CCNY: variants seen among roughly 807,000 people sequenced by gnomAD.
CCNY encodes the protein cyclin Y.
CCNY carries 19 observed loss-of-function variants against 42.8 expected under a neutral mutation model. That is an observed-to-expected ratio of 0.44 (90% CI 0.31 to 0.65). The LOEUF is 0.65. CCNY is among the 30% of genes least tolerant of loss of function. The pLI is 0.07. For synonymous variants in CCNY, 165 were observed against 162.7 expected, an observed-to-expected ratio of 1.01 and a Z score of -0.11; for missense variants, 370 against 437.3, an observed-to-expected ratio of 0.85 and a Z score of 1.37.
chr10:35,548,495 A>AC (rs1410206339), intron 7 of CCNY, among the ~76,000 whole-genome samples: 2 of 151,936 alleles, frequency 1.3e-5, no homozygotes, highest in Non-Finnish European at 2.9e-5. Flanking sequence ...ACGGGGTTTC[A>AC]CCATGTTGGC....
At chr10:35,481,194 G>A (rs1032149430) in intron 1 of CCNY, among the ~76,000 whole-genome samples, 1 of 152,190 alleles carries the variant, frequency 6.6e-6, no homozygotes, top group African/African-American at 2.4e-5. Context: ...TAGATGGTAT[G>A]ATAGCATTTC....
At chr10:35,289,006 T>A (rs1245710487) in intron 3 of CCNY, among the ~76,000 whole-genome samples, 1 of 152,210 alleles carries the variant, frequency 6.6e-6, no homozygotes, top group Non-Finnish European at 1.5e-5. Flanking sequence ...CAATAGTGAT[T>A]GTACTGAATC....
intron 2 of CCNY, among the ~76,000 whole-genome samples, chr10:35,486,701 C>T (rs1445553387): frequency 6.6e-6 from 1 of 152,256 alleles, no homozygotes; most frequent in African/African-American, 2.4e-5. Context: ...GTGATCCAGC[C>T]TCTGCCTTCC....
intron 2 of CCNY, among the ~76,000 whole-genome samples, chr10:35,493,656 G>A (rs113886240): frequency 6.6e-6 from 1 of 152,146 alleles, no homozygotes; most frequent in African/African-American, 2.4e-5. Flanking sequence ...TGAACTGGAG[G>A]CTTAGATCCA....
chr10:35,379,524 G>T (rs1415824279), intron 1 of CCNY, among the ~76,000 whole-genome samples: 1 of 152,214 alleles, frequency 6.6e-6, no homozygotes, highest in Non-Finnish European at 1.5e-5. Flanking sequence ...CTTAGAACCA[G>T]CGAGGGAAGT....
Position 35,343,382 on chromosome 10 carries a change from C to CTTTTTTTTT in CCNY, c.154+6191_154+6199dup, listed in dbSNP as rs9299720. Among the ~76,000 whole-genome samples, 7 of 85,902 alleles carry CTTTTTTTTT rather than the reference C, an allele frequency of 8.1e-5. 1 individual carries two copies. The highest frequency in any genetic ancestry group is 1.3e-4 in the Non-Finnish European group (6 of 47,394). The allele number at this position is 85,902 out of a possible 152,430, so 56.4% of individuals were successfully genotyped here. A position where few individuals can be genotyped will look rare whatever the true frequency, so the allele number is the denominator to read the frequency against. On this transcript the variant is annotated intron_variant, in intron 1 of 9. Coordinates refer to ENST00000374704, the MANE Select transcript of CCNY (RefSeq NM_145012.6). ...CACCCTCCTCTACAAAGCTGATGGT[C>CTTTTTTTTT]TTTTTTTTTTTTTTTTTTTTTTTTG... is the stretch of plus-strand genomic sequence containing the variant.
intron 3 of CCNY, among the ~76,000 whole-genome samples, chr10:35,259,066 C>A (rs1016957348): frequency 6.6e-6 from 1 of 152,148 alleles, no homozygotes; most frequent in East Asian, 1.9e-4. Context: ...CTAAGTCATT[C>A]TGCTGAAAGC....
At chr10:35,318,683 G>A (rs1208683634) in intron 3 of CCNY, among the ~76,000 whole-genome samples, 1 of 151,968 alleles carries the variant, frequency 6.6e-6, no homozygotes, top group African/African-American at 2.4e-5. Context: ...TCTATGGAAG[G>A]ATCTGTTGGT....
intron 1 of CCNY, among the ~76,000 whole-genome samples, chr10:35,342,545 G>C (rs1158310000): frequency 1.3e-5 from 2 of 152,350 alleles, no homozygotes; most frequent in Admixed American, 6.5e-5. Context: ...GAATCAGGGA[G>C]TCGTTTGCTT....
In CCNY at chr10:35,270,871, G is replaced by T. The variant is rs190201497; in HGVS notation, c.-9+20245G>T. On this transcript the variant is annotated intron_variant, in intron 3 of 11. Transcript: ENST00000374706. ...CTCCCAAGTAGCTGGGACTACAGGC[G>T]CCCGCCACCACACCCGGCTAATTTT... Among the ~76,000 whole-genome samples the T allele has an allele frequency of 1.5e-3, 232 of 151,526 alleles. 6 individuals are homozygous for T. In the East Asian group the frequency reaches 0.033, roughly 21 times the overall value.
intron 7 of CCNY, among the ~76,000 whole-genome samples, chr10:35,532,116 G>T (rs1019492838): frequency 6.6e-6 from 1 of 152,264 alleles, no homozygotes; most frequent in Admixed American, 6.5e-5. Flanking sequence ...GGTAGGTGCA[G>T]CCCTGCAGCC....
chr10:35,543,141 C>T (rs1190819100), intron 7 of CCNY, among the ~76,000 whole-genome samples: 1 of 152,130 alleles, frequency 6.6e-6, no homozygotes, highest in African/African-American at 2.4e-5. Flanking sequence ...CCCCACTAAT[C>T]GGGTGCAGCC....
At chr10:35,443,972 G>A (rs893926403) in intron 1 of CCNY, among the ~76,000 whole-genome samples, 1 of 148,184 alleles carries the variant, frequency 6.7e-6, no homozygotes, top group African/African-American at 2.6e-5. Context: ...TAGGGTGGAC[G>A]TGTCAGACTA....
chr10:35,376,592 A>G (rs1371259683), intron 1 of CCNY, among the ~76,000 whole-genome samples: 1 of 152,232 alleles, frequency 6.6e-6, no homozygotes, highest in South Asian at 2.1e-4. Flanking sequence ...TTTTTGTATT[A>G]GGGATGGCCA....
At chr10:35,560,043 G>A (rs906902731) in intron 8 of CCNY, among the ~76,000 whole-genome samples, 3 of 152,184 alleles carry the variant, frequency 2.0e-5, no homozygotes, top group African/African-American at 7.2e-5. Flanking sequence ...TCCTATGCCT[G>A]TGCCACCATT....
At chr10:35,261,242 T>C (rs2095719343) in intron 3 of CCNY, among the ~76,000 whole-genome samples, 1 of 149,550 alleles carries the variant, frequency 6.7e-6, no homozygotes, top group Admixed American at 6.6e-5. Context: ...AAAAAAAATT[T>C]TTTTTTTTTT....
In CCNY at chr10:35,424,998, A is replaced by G. The variant is rs142641746; in HGVS notation, c.155-58406A>G. Among the ~76,000 whole-genome samples, 361 of 152,320 alleles carry G rather than the reference A, an allele frequency of 2.4e-3. 2 individuals are homozygous for G. Among genetic ancestry groups the G allele is most frequent in the Non-Finnish European group, 2.8e-3 (193 of 68,034 alleles). ...TGAGAACCTGCTCCCACCCCGGTAC[A>G]ATGGCTGCTTCCAAAGAGGTCCTGC... On this transcript the variant is annotated intron_variant, in intron 1 of 9. Transcript: ENST00000374704.
In CCNY at chr10:35,536,203, G is replaced by C. The variant is rs1468447435; in HGVS notation, c.579+5960G>C. On this transcript the variant is annotated intron_variant, in intron 7 of 9. Coordinates refer to ENST00000374704, the MANE Select transcript of CCNY (RefSeq NM_145012.6). ...GTTATGAGATCTGATGGGTTTATCAGGGGTTTCCATTTTTGCATCCTTCTT... is the reference window on the plus strand; with the variant it reads ...GTTATGAGATCTGATGGGTTTATCACGGGTTTCCATTTTTGCATCCTTCTT... Among the ~76,000 whole-genome samples the C allele has an allele frequency of 3.3e-5, 5 of 152,270 alleles. No homozygotes were observed. The South Asian group carries it at 8.3e-4, about 25-fold the overall frequency.
At chr10:35,341,298 G>A (rs1238440189) in intron 1 of CCNY, among the ~76,000 whole-genome samples, 1 of 152,132 alleles carries the variant, frequency 6.6e-6, no homozygotes, top group Non-Finnish European at 1.5e-5. Context: ...TCTTGGCTGA[G>A]TCCCTTTATC....
Sources: gnomAD v4.1 joint callset for allele counts (sites outside exome capture counted in the v4.1 genomes callset) on GRCh38, gnomAD v4.1.1 for gene constraint, MANE v1.5 for transcripts, NCBI Gene and HGNC (gene_info 2026-07-23, HGNC 2026-07-21) for gene names.